DYNC1H1: variants seen among roughly 807,000 people sequenced by gnomAD.
DYNC1H1 encodes cytoplasmic dynein 1 heavy chain 1.
DYNC1H1 carries 51 observed loss-of-function variants against 527.1 expected under a neutral mutation model. The ratio of observed to expected loss-of-function variants is 0.10; its 90% CI spans 0.08 to 0.12. The LOEUF is 0.12. Among genes scored for constraint, DYNC1H1 ranks in the 10% least tolerant of loss-of-function variants. The pLI is 1.00. For synonymous variants in DYNC1H1, 2,189 were observed against 2,278.8 expected (o/e 0.96, Z 1.12); for missense variants, 2,771 against 5,971.8 (o/e 0.46, Z 17.66).
rs201482485 is a variant in DYNC1H1, at chr14:102,047,550, TACAC to T, written c.13007-255_13007-252del. 242 of 223,200 alleles carry T rather than the reference TACAC, an allele frequency of 1.1e-3. No homozygotes were observed. The Middle Eastern group carries it at 0.012, about 11-fold the overall frequency. 13.8% of individuals were successfully genotyped at this position (223,200 alleles called of 1,614,324 possible). A position where few individuals can be genotyped will look rare whatever the true frequency, so the allele number is the denominator to read the frequency against. ...AGACTCCATCTCAAAAATATATATA[TACAC>T]ACACACACACATATATATATACATA... is the stretch of plus-strand genomic sequence containing the variant. On this transcript the variant is annotated intron_variant, in intron 72 of 77. Transcript: ENST00000360184.
rs752337704 is a variant in DYNC1H1, at chr14:102,034,364, G to A, written c.10666G>A (p.Ala3556Thr). 6.2e-7 allele frequency: 1 copy of A among 1,614,198 alleles called. No individual in the cohort carries two copies. Among genetic ancestry groups the A allele is most frequent in the Non-Finnish European group, 8.5e-7 (1 of 1,180,056 alleles). Residue 3556 changes from alanine (A) to threonine (T), a missense_variant, in exon 56 of 78, where the codon GCT (alanine) becomes ACT (threonine). Around this residue, in one of 32 missense-constraint regions of DYNC1H1, gnomAD observed 283 missense variants for 737.6 expected, o/e 0.38. Coordinates refer to ENST00000360184, the MANE Select transcript of DYNC1H1 (RefSeq NM_001376.5). Reference protein sequence around the residue: ...DIARTEYLSNADERLRWQASS... With the variant: ...DIARTEYLSNTDERLRWQASS... ...TGCCAGGACGGAATACCTTTCCAAT[G>A]CTGATGAGCGTCTTCGCTGGCAGGC...
intron 63 of DYNC1H1, 91 bp downstream of exon 63, chr14:102,040,501 T>C (rs958051444): frequency 1.2e-6 from 2 of 1,612,292 alleles, no homozygotes; most frequent in Non-Finnish European, 1.7e-6. Flanking sequence ...ACCCAGAATG[T>C]TGTGTCTGCG....
At position 102,036,409 on chromosome 14, in the gene DYNC1H1, C is replaced by T; in HGVS notation, c.10755-80C>T. The T allele has an allele frequency of 1.3e-6, 2 of 1,589,672 alleles. No homozygotes were observed. Among genetic ancestry groups the T allele is most frequent in the South Asian group, 1.1e-5 (1 of 90,008 alleles). ...TAACAGCCTATCAATCAGGGTCTCT[C>T]ATCAGGGACTCGGCTAACCGTGATC... On this transcript the variant is annotated intron_variant, in intron 56 of 77. Transcript: ENST00000360184. The surrounding 1 kb of genome is among the most constrained non-coding windows in gnomAD (Gnocchi z 5.6).
intron 52 of DYNC1H1, 131 bp from the exon 53 acceptor site, chr14:102,032,934 C>T: frequency 2.2e-6 from 2 of 910,900 alleles, no homozygotes; most frequent in Middle Eastern, 2.8e-4. Context: ...GTCAGTCTAG[C>T]TCATCCCCAG....
At chr14:101,987,765 C>A (rs751151007) in intron 9 of DYNC1H1, 133 bp downstream of exon 9, 1 of 1,075,714 alleles carries the variant, frequency 9.3e-7, no homozygotes, top group Non-Finnish European at 1.4e-6. Context: ...TCCAAAATCT[C>A]ATTTAACTAG....
At chr14:101,974,739 T>G (rs747117693) in intron 1 of DYNC1H1, among the ~76,000 whole-genome samples, 3 of 152,160 alleles carry the variant, frequency 2.0e-5, no homozygotes, top group Non-Finnish European at 4.4e-5. Flanking sequence ...TTCACCATGT[T>G]GCCCAGACTA....
chr14:102,025,405 A>C (rs1402631298), intron 43 of DYNC1H1, among the ~76,000 whole-genome samples: 1 of 130,074 alleles, frequency 7.7e-6, no homozygotes, highest in East Asian at 2.0e-4. Context: ...ACTCTGTCTC[A>C]AAAAAAAAAA....
Position 102,038,645 on chromosome 14 carries a change from A to C in DYNC1H1, c.11055+39A>C, listed in dbSNP as rs577891490. On this transcript the variant is annotated intron_variant, in intron 58 of 77. Coordinates refer to ENST00000360184, the MANE Select transcript of DYNC1H1 (RefSeq NM_001376.5). The surrounding 1 kb of genome is among the most constrained non-coding windows in gnomAD (Gnocchi z 7.2). ...CCCTTCCCCAGGGAAATCTGGCAGG[A>C]TGTGGTTTTGAAACTGGATTAAGAC... The C allele has an allele frequency of 1.2e-6, 2 of 1,614,190 alleles. No homozygotes were observed. Among genetic ancestry groups the C allele is most frequent in the South Asian group, 2.2e-5 (2 of 91,082 alleles).
chr14:101,995,207 A>C lies in DYNC1H1; in HGVS notation c.3471A>C (p.Ser1157=). The change falls in exon 15 of 78, where the codon TCA becomes TCC. Residue 1157 remains serine, a synonymous_variant. Transcript: ENST00000360184. ...CCCGCCAAGAGTTGGAGCAGCACTCAGTAGACACGGCCAGCACCTCCGATG... is the reference window on the plus strand; with the variant it reads ...CCCGCCAAGAGTTGGAGCAGCACTCCGTAGACACGGCCAGCACCTCCGATG... The part of the protein sequence containing the change: ...SKSRQELEQH[S]VDTASTSDAV... 1 of 1,614,266 alleles carries C rather than the reference A, an allele frequency of 6.2e-7. No homozygotes were observed. The highest frequency in any genetic ancestry group is 8.5e-7 in the Non-Finnish European group (1 of 1,180,056).
intron 51 of DYNC1H1, among the ~76,000 whole-genome samples, chr14:102,031,935 C>G (rs1742850619): frequency 1.3e-5 from 2 of 152,192 alleles, no homozygotes; most frequent in Admixed American, 1.3e-4. Flanking sequence ...GCCTAGGCGA[C>G]AGAGCTAGAC....
chr14:102,005,413 C>T lies in DYNC1H1; in HGVS notation c.5433+177C>T, dbSNP rs2048185733. Among the ~76,000 whole-genome samples the T allele has an allele frequency of 1.3e-5, 2 of 152,200 alleles. No homozygotes were observed. Among genetic ancestry groups the T allele is most frequent in the Admixed American group, 1.3e-4 (2 of 15,274 alleles). ...CTCCCTGTCCCTGTTGAAAGGTAATCTCAGGGGCATGCAGGGGTTACGCGA... is the reference window on the plus strand; with the variant it reads ...CTCCCTGTCCCTGTTGAAAGGTAATTTCAGGGGCATGCAGGGGTTACGCGA... On this transcript the variant is annotated intron_variant, in intron 26 of 77. Transcript: ENST00000360184. The surrounding 1 kb of genome is among the most constrained non-coding windows in gnomAD (Gnocchi z 4.0).
Position 101,997,319 on chromosome 14 carries a change from G to T in DYNC1H1, c.3804+45G>T. On this transcript the variant is annotated intron_variant, in intron 16 of 77. Coordinates refer to ENST00000360184, the MANE Select transcript of DYNC1H1 (RefSeq NM_001376.5). This position sits in a 1 kb window ranked among gnomAD's most constrained non-coding sequence, Gnocchi z 4.8. ...GACGCAGGAGACTCCTCACCCAGCA[G>T]TGTGATTTGGTGACTTTCTTTCAAG... The T allele has an allele frequency of 6.2e-7, 1 of 1,613,258 alleles. No homozygotes were observed. The highest frequency in any genetic ancestry group is 8.5e-7 in the Non-Finnish European group (1 of 1,179,824).
In DYNC1H1 at chr14:102,029,434, G is replaced by A; in HGVS notation, c.9469-105G>A. 1 of 1,498,834 alleles carries A rather than the reference G, an allele frequency of 6.7e-7. No homozygotes were observed. Among genetic ancestry groups the A allele is most frequent in the South Asian group, 1.2e-5 (1 of 85,766 alleles). The allele number at this position is 1,498,834 out of a possible 1,614,324, so 92.8% of individuals were successfully genotyped here. ...CGAGTGTTCTGGCCCCGAGGGCCAG[G>A]CTCCTTCTATCATGTCACACCCATC... On this transcript the variant is annotated intron_variant, in intron 48 of 77. Transcript: ENST00000360184. The surrounding 1 kb of genome is among the most constrained non-coding windows in gnomAD (Gnocchi z 5.3).
rs2048654879 is a variant in DYNC1H1, at chr14:102,041,857, C to T, written c.12102+123C>T. On this transcript the variant is annotated intron_variant, in intron 65 of 77. Coordinates refer to ENST00000360184, the MANE Select transcript of DYNC1H1 (RefSeq NM_001376.5). The surrounding 1 kb of genome is among the most constrained non-coding windows in gnomAD (Gnocchi z 4.5). Reference sequence around the variant, plus strand: ...TACAGTCTCCTCCTAAGACCAGGAACTCGCTGCAGATTCTCAACTCCTGGC... The same window carrying T: ...TACAGTCTCCTCCTAAGACCAGGAATTCGCTGCAGATTCTCAACTCCTGGC... 6.5e-7 allele frequency: 1 copy of T among 1,538,452 alleles called. No homozygotes were observed. Among genetic ancestry groups the T allele is most frequent in the Non-Finnish European group, 8.9e-7 (1 of 1,127,526 alleles).
Position 102,010,475 on chromosome 14 carries a change from T to C in DYNC1H1, c.6405+16T>C. On this transcript the variant is annotated intron_variant, in intron 31 of 77. Transcript: ENST00000360184. This position sits in a 1 kb window ranked among gnomAD's most constrained non-coding sequence, Gnocchi z 6.0. The stretch of plus-strand genomic sequence containing the variant: ...TGAACAAGAGGTTCGTTACAAACGT[T>C]TTGATCACTCAAACCTTATACGTTA... The C allele has an allele frequency of 6.2e-7, 1 of 1,613,640 alleles. No individual in the cohort carries two copies. Among genetic ancestry groups the C allele is most frequent in the South Asian group, 1.1e-5 (1 of 91,042 alleles).
rs1421485200 is a variant in DYNC1H1, at chr14:102,048,608, G to A, written c.13311G>A (p.Val4437=). Residue 4437 remains valine, a synonymous_variant, in exon 74 of 78, where the codon GTG becomes GTA. Transcript: ENST00000360184. ...AGGACCTTGCAGATGTCGTCCAGGT[G>A]TGCGAAGGAAAGAAGAAGCAGACCA... The part of the protein sequence containing the change: ...VRQDLADVVQ[V]CEGKKKQTNY... 2.5e-6 allele frequency: 4 copies of A among 1,614,178 alleles called. No homozygotes were observed. Among genetic ancestry groups the A allele is most frequent in the Non-Finnish European group, 3.4e-6 (4 of 1,180,034 alleles).
intron 5 of DYNC1H1, among the ~76,000 whole-genome samples, chr14:101,981,502 G>A (rs2047863668): frequency 6.6e-6 from 1 of 152,186 alleles, no homozygotes; most frequent in Non-Finnish European, 1.5e-5. Context: ...GGTCTACAAT[G>A]TTTGAACACG....
At position 102,018,731 on chromosome 14, in the gene DYNC1H1, T is replaced by C; in HGVS notation, c.8343+115T>C. On this transcript the variant is annotated intron_variant, in intron 41 of 77. Transcript: ENST00000360184. This position sits in a 1 kb window ranked among gnomAD's most constrained non-coding sequence, Gnocchi z 5.2. Reference sequence around the variant, plus strand: ...ATCCCAGCATTTTGGGAGGCCAAGGTGGGTGGATCCTTTGAGCCCAGGAGT... The same window carrying C: ...ATCCCAGCATTTTGGGAGGCCAAGGCGGGTGGATCCTTTGAGCCCAGGAGT... 1 of 1,395,592 alleles carries C rather than the reference T, an allele frequency of 7.2e-7. No homozygotes were observed. The highest frequency in any genetic ancestry group is 9.8e-7 in the Non-Finnish European group (1 of 1,018,146). 86.5% of individuals were successfully genotyped at this position (1,395,592 alleles called of 1,614,324 possible).
intron 43 of DYNC1H1, chr14:102,023,160 G>A (rs1183538017): frequency 2.4e-6 from 1 of 417,752 alleles, no homozygotes; most frequent in African/African-American, 2.0e-5. Flanking sequence ...AGCAACTTGG[G>A]AGGCTTGAGC....
Sources: gnomAD v4.1 joint callset for allele counts (sites outside exome capture counted in the v4.1 genomes callset) on GRCh38, gnomAD v4.1.1 for gene constraint, gnomAD v4.1.1 regional missense constraint, Gnocchi (gnomAD v3.1) non-coding constraint, MANE v1.5 for transcripts, NCBI Gene and HGNC (gene_info 2026-07-23, HGNC 2026-07-21) for gene names.